Variants in RREB1 observed in about 807,000 individuals in gnomAD.
The protein encoded by RREB1 is ras responsive element binding protein 1, also known as ras-responsive element-binding protein 1.
A neutral mutation model predicts 117.8 loss-of-function variants in RREB1; 27 were observed. The ratio of observed to expected loss-of-function variants is 0.23; its 90% CI spans 0.17 to 0.32. The LOEUF is 0.32. Among genes scored for constraint, RREB1 ranks in the 10% least tolerant of loss-of-function variants. The probability of loss-of-function intolerance (pLI) is 1.00; values close to 1 mark genes in which losing one functional copy is unlikely to be tolerated. For missense variants in RREB1, 2,577 were observed against 2,378.2 expected (o/e 1.08, Z -1.74); for synonymous variants, 1,298 against 1,026.7 (o/e 1.26, Z -5.05).
chr6:7,165,693 G>T (rs532616461), intron 1 of RREB1, among the ~76,000 whole-genome samples: 229 of 152,330 alleles, frequency 1.5e-3, no homozygotes, highest in African/African-American at 5.1e-3. Flanking sequence ...CTTGGACTGG[G>T]CAGATGAGCA....
intron 1 of RREB1, among the ~76,000 whole-genome samples, chr6:7,144,091 CAT>C (rs989119883): frequency 1.2e-4 from 18 of 151,558 alleles, no homozygotes; most frequent in East Asian, 3.9e-4. Flanking sequence ...TATTCTCAAA[CAT>C]GTGACTTCCA....
intron 4 of RREB1, among the ~76,000 whole-genome samples, chr6:7,186,570 G>A (rs1380292642): frequency 6.6e-6 from 1 of 152,186 alleles, no homozygotes; most frequent in Non-Finnish European, 1.5e-5. Context: ...AGGAACCCGT[G>A]GTCTTAGGGA....
At chr6:7,107,944 C>T (rs1016146076), upstream of RREB1, 3 of 152,440 alleles carry the variant, frequency 2.0e-5, no homozygotes, top group Non-Finnish European at 2.9e-5. Context: ...CTTTGCACAT[C>T]CAGAAACGCC....
chr6:7,157,539 A>C (rs1331565093), intron 1 of RREB1, among the ~76,000 whole-genome samples: 1 of 151,798 alleles, frequency 6.6e-6, no homozygotes, highest in Non-Finnish European at 1.5e-5. Context: ...GAGAGGCTGA[A>C]GCAGGTGGAT....
chr6:7,182,141 G>A, intron 4 of RREB1, 59 bp downstream of exon 4: 1 of 1,409,174 alleles, frequency 7.1e-7, no homozygotes, highest in Non-Finnish European at 9.8e-7. Context: ...AACATTGGGA[G>A]ATGTTTCCGA....
chr6:7,144,614 CT>C (rs10718610), intron 1 of RREB1, among the ~76,000 whole-genome samples: 28,880 of 143,556 alleles, frequency 0.2, 2,940 homozygotes, highest in African/African-American at 0.24. Context: ...GACATTATTC[CT>C]TTTTTTTTTT....
At chr6:7,161,777 G>A (rs192664427) in intron 1 of RREB1, among the ~76,000 whole-genome samples, 19 of 152,124 alleles carry the variant, frequency 1.2e-4, no homozygotes, top group South Asian at 8.3e-4. Context: ...CGCCTGCCTG[G>A]CCTCCTTTTG....
intron 1 of RREB1, among the ~76,000 whole-genome samples, chr6:7,137,897 A>C (rs889439077): frequency 6.6e-6 from 1 of 152,214 alleles, no homozygotes; most frequent in Non-Finnish European, 1.5e-5. Flanking sequence ...CAGTATCATC[A>C]GTCATCACTT....
intron 1 of RREB1, among the ~76,000 whole-genome samples, chr6:7,139,793 T>A (rs1379374652): frequency 1.3e-5 from 2 of 152,242 alleles, no homozygotes; most frequent in African/African-American, 4.8e-5. Flanking sequence ...TCCATTAGAC[T>A]TTGGAAATTT....
intron 8 of RREB1, among the ~76,000 whole-genome samples, chr6:7,222,119 C>A (rs1332937709): frequency 6.6e-6 from 1 of 152,174 alleles, no homozygotes; most frequent in Non-Finnish European, 1.5e-5. Context: ...TCTGGGAGTT[C>A]TAACATTCTA....
In RREB1 at chr6:7,108,241, A is replaced by C. The variant is rs374201385; in HGVS notation, c.-285+181A>C. 2.4e-4 allele frequency among the ~76,000 whole-genome samples: 37 copies of C among 152,126 alleles called. No individual in the cohort carries two copies. The East Asian group carries it at 6.6e-3, about 27-fold the overall frequency. On this transcript the variant is annotated intron_variant, in intron 1 of 12. Coordinates refer to ENST00000379938, the MANE Select transcript of RREB1 (RefSeq NM_001003699.4). ...GGGACCCGCACGCCCCACTCCGCGC[A>C]GCGTGCGCTCGGGCCGGCGGGGCGG...
chr6:7,208,672 G>C (rs961375195), intron 6 of RREB1, among the ~76,000 whole-genome samples: 8 of 152,240 alleles, frequency 5.3e-5, no homozygotes, highest in Non-Finnish European at 7.3e-5. Context: ...GGCAGCCCTG[G>C]TTTTCCAGAC....
Position 7,247,076 on chromosome 6 carries a change from G to A in RREB1, c.4626G>A (p.Glu1542=), listed in dbSNP as rs1328097997. 3 of 1,613,628 alleles carry A rather than the reference G, an allele frequency of 1.9e-6. No individual in the cohort carries two copies. The African/African-American group carries it at 4.0e-5, about 22-fold the overall frequency. ...GCGCGGCCGAGAAAAGGTCCTCAGA[G>A]AAGAGCGACGATGACAAGAAACCAA... is the stretch of plus-strand genomic sequence containing the variant. The part of the protein sequence containing the change: ...GESAAEKRSS[E]KSDDDKKPKT... Residue 1542 remains glutamate, a synonymous_variant, in exon 12 of 13, where the codon GAG becomes GAA. Transcript: ENST00000379938.
chr6:7,187,495 A>C lies in RREB1; in HGVS notation c.233A>C (p.Gln78Pro). ...CTGTGTGAGAAGATTTGCACTACCC[A>C]GCACCAGCTGACCATGCACATTCGC... The part of the protein sequence containing the change: ...CPLCEKICTT[Q>P]HQLTMHIRQH... Residue 78 changes from glutamine to proline, a missense_variant, in exon 5 of 13, where the codon CAG becomes CCG. Gln to Pro is a moderately conservative substitution (Grantham distance 76). Transcript: ENST00000379938. The C allele has an allele frequency of 1.3e-6, 2 of 1,570,674 alleles. No individual in the cohort carries two copies. Among genetic ancestry groups the C allele is most frequent in the South Asian group, 1.2e-5 (1 of 83,156 alleles).
intron 6 of RREB1, among the ~76,000 whole-genome samples, chr6:7,199,183 G>T (rs1216592860): frequency 6.6e-6 from 1 of 152,124 alleles, no homozygotes; most frequent in Non-Finnish European, 1.5e-5. Context: ...AACTTTTCTG[G>T]CCAGGGCTGA....
In RREB1 at chr6:7,231,211, G is replaced by T. The variant is rs758649542; in HGVS notation, c.3112G>T (p.Gly1038Cys). 1.5e-5 allele frequency: 24 copies of T among 1,612,308 alleles called. No homozygotes were observed. The highest frequency in any genetic ancestry group is 1.8e-5 in the Non-Finnish European group (21 of 1,179,694). ...PLVGSSALLS[G>C]TALLRPLRPK... ...CGTGGGCAGCTCAGCCCTCCTGAGTGGCACAGCCTTGCTGCGTCCACTGCG... is the reference window on the plus strand; with the variant it reads ...CGTGGGCAGCTCAGCCCTCCTGAGTTGCACAGCCTTGCTGCGTCCACTGCG... Residue 1038 changes from glycine (G) to cysteine (C), a missense_variant, in exon 10 of 13, where the codon GGC becomes TGC. Transcript: ENST00000379938.
intron 6 of RREB1, among the ~76,000 whole-genome samples, chr6:7,198,364 G>T (rs935720836): frequency 1.3e-5 from 2 of 152,208 alleles, no homozygotes; most frequent in Non-Finnish European, 2.9e-5. Flanking sequence ...CGGACTGTGT[G>T]AATGTTTTGT....
At position 7,246,765 on chromosome 6, in the gene RREB1, G is replaced by T. The variant is rs2281833; in HGVS notation, c.4315G>T (p.Gly1439Trp). 295 of 1,559,382 alleles carry T rather than the reference G, an allele frequency of 1.9e-4. No individual in the cohort carries two copies. Among genetic ancestry groups the T allele is most frequent in the Non-Finnish European group, 2.5e-4 (287 of 1,153,244 alleles). The part of the protein sequence containing the change: ...LAEGDGEAGA[G>W]GAASQEQKLA... ...GGAGGGCGACGGCGAGGCAGGCGCCGGGGGCGCGGCCTCGCAGGAGCAGAA... is the reference window on the plus strand; with the variant it reads ...GGAGGGCGACGGCGAGGCAGGCGCCTGGGGCGCGGCCTCGCAGGAGCAGAA... The change falls in exon 12 of 13, where the codon GGG becomes TGG. Residue 1439 changes from glycine to tryptophan, a missense_variant. By Grantham distance (184) the Gly-to-Trp change is radical. Coordinates refer to ENST00000379938, the MANE Select transcript of RREB1 (RefSeq NM_001003699.4).
intron 1 of RREB1, among the ~76,000 whole-genome samples, chr6:7,128,492 G>A (rs557038261): frequency 6.6e-6 from 1 of 152,158 alleles, no homozygotes; most frequent in African/African-American, 2.4e-5. Context: ...ACTTCATGAG[G>A]TGTAGCTGTT....
Sources: allele counts gnomAD v4.1 joint callset (sites outside exome capture counted in the v4.1 genomes callset), GRCh38; gene constraint gnomAD v4.1.1; transcripts MANE v1.5; gene names NCBI Gene and HGNC (gene_info 2026-07-23, HGNC 2026-07-21).